Variants in PPP2R2B observed in about 807,000 individuals in gnomAD.
The protein encoded by PPP2R2B is serine/threonine-protein phosphatase 2A 55 kDa regulatory subunit B beta isoform.
Under a neutral mutation model 46.0 loss-of-function variants are expected in PPP2R2B, and 5 were observed. That is an observed-to-expected ratio of 0.11 (90% confidence interval 0.06 to 0.23). The LOEUF (loss-of-function observed/expected upper bound fraction) is 0.23. Ranked by LOEUF, PPP2R2B falls within the 10% of genes least tolerant of loss-of-function variation. PPP2R2B has a pLI of 1.00. For synonymous variants in PPP2R2B, 215 were observed against 206.7 expected, an observed-to-expected ratio of 1.04 and a Z score of -0.34; for missense variants, 367 against 575.0, an observed-to-expected ratio of 0.64 and a Z score of 3.70.
intron 2 of PPP2R2B, among the ~76,000 whole-genome samples, chr5:146,775,235 A>C (rs1245385562): frequency 6.6e-6 from 1 of 152,216 alleles, no homozygotes; most frequent in South Asian, 2.1e-4. Context: ...CGATGTAAAA[A>C]TTCTCAACAA....
intron 6 of PPP2R2B, among the ~76,000 whole-genome samples, chr5:146,645,466 T>C (rs995785045): frequency 1.3e-5 from 2 of 152,160 alleles, no homozygotes; most frequent in African/African-American, 4.8e-5. Flanking sequence ...TAAATATGTA[T>C]TGGGCAGGGT....
At chr5:146,851,389 C>T (rs1234780129) in intron 2 of PPP2R2B, among the ~76,000 whole-genome samples, 1 of 152,052 alleles carries the variant, frequency 6.6e-6, no homozygotes, top group African/African-American at 2.4e-5. Flanking sequence ...GAGAGGATAA[C>T]CAACACACAA....
chr5:147,041,708 A>C (rs541448824), intron 1 of PPP2R2B, among the ~76,000 whole-genome samples: 20 of 152,108 alleles, frequency 1.3e-4, no homozygotes, highest in South Asian at 2.1e-4. Context: ...GGGGGGCTGT[A>C]AGTCCCCAGA....
intron 1 of PPP2R2B, among the ~76,000 whole-genome samples, chr5:146,976,807 A>G (rs991604381): frequency 1.3e-5 from 2 of 152,100 alleles, no homozygotes; most frequent in African/African-American, 2.4e-5. Context: ...TGACTTTTGC[A>G]TATTCATTCT....
intron 4 of PPP2R2B, among the ~76,000 whole-genome samples, chr5:146,696,987 C>A (rs2151161483): frequency 6.6e-6 from 1 of 152,282 alleles, no homozygotes; most frequent in Non-Finnish European, 1.5e-5. Context: ...TGTTGTATTT[C>A]CTTCCAGTCT....
At chr5:146,714,517 A>G (rs1287694261) in intron 2 of PPP2R2B, among the ~76,000 whole-genome samples, 1 of 152,178 alleles carries the variant, frequency 6.6e-6, no homozygotes, top group African/African-American at 2.4e-5. Context: ...GAAAAAAATA[A>G]CGATGAAGAA....
chr5:146,987,758 A>C (rs1753497804), intron 1 of PPP2R2B, among the ~76,000 whole-genome samples: 1 of 152,054 alleles, frequency 6.6e-6, no homozygotes, highest in Non-Finnish European at 1.5e-5. Context: ...AAATGGCAGT[A>C]GTAAGTTCTT....
intron 7 of PPP2R2B, among the ~76,000 whole-genome samples, chr5:146,605,745 T>C (rs1234900854): frequency 1.3e-5 from 2 of 152,238 alleles, no homozygotes; most frequent in Admixed American, 6.5e-5. Context: ...CATACCTTTC[T>C]CCCCACTCCA....
chr5:146,748,282 A>C (rs1753317620), intron 2 of PPP2R2B, among the ~76,000 whole-genome samples: 1 of 152,020 alleles, frequency 6.6e-6, no homozygotes, highest in Non-Finnish European at 1.5e-5. Context: ...TTAAGCTTTT[A>C]ATTTTGAGAT....
chr5:147,018,178 T>C (rs1755102634), intron 1 of PPP2R2B, among the ~76,000 whole-genome samples: 2 of 151,934 alleles, frequency 1.3e-5, no homozygotes, highest in Admixed American at 1.3e-4. Context: ...GTCAAATATA[T>C]AAAGTACTAT....
chr5:146,801,655 T>C (rs1002028297), intron 2 of PPP2R2B, among the ~76,000 whole-genome samples: 5 of 152,156 alleles, frequency 3.3e-5, no homozygotes, highest in African/African-American at 1.2e-4. Flanking sequence ...CTTAGGCACT[T>C]ATGTTAAAAG....
chr5:146,984,865 T>C (rs1250335078), intron 1 of PPP2R2B, among the ~76,000 whole-genome samples: 2 of 152,164 alleles, frequency 1.3e-5, no homozygotes, highest in Non-Finnish European at 2.9e-5. Flanking sequence ...CTATTTGTAT[T>C]ACATGCCTTC....
rs756596893 is a variant in PPP2R2B, at chr5:147,001,723, C to G, written c.79+53942G>C. On this transcript the variant is annotated intron_variant, in intron 1 of 8. Transcript: ENST00000336640. ...ATTCTGTCCTATTTTTCCTTAGAATCTGGGGGCTAAATAACAGGCACTTGT... is the reference window on the plus strand; with the variant it reads ...ATTCTGTCCTATTTTTCCTTAGAATGTGGGGGCTAAATAACAGGCACTTGT... Among the ~76,000 whole-genome samples, 8 of 152,134 alleles carry G rather than the reference C, an allele frequency of 5.3e-5. No homozygotes were observed. In the South Asian group the frequency reaches 1.7e-3, roughly 32 times the overall value.
At chr5:147,055,657 G>T in intron 1 of PPP2R2B, 1 of 1,603,186 alleles carries the variant, frequency 6.2e-7, no homozygotes, top group Non-Finnish European at 8.5e-7. Flanking sequence ...TCCCTCTCTG[G>T]TCTGTACCTT....
intron 1 of PPP2R2B, among the ~76,000 whole-genome samples, chr5:147,003,075 C>A (rs551731755): frequency 1.3e-5 from 2 of 152,180 alleles, no homozygotes; most frequent in East Asian, 3.9e-4. Context: ...TGCAGGTTGA[C>A]CTTTTCTGTA....
chr5:146,954,811 A>G (rs1261294903), intron 1 of PPP2R2B, among the ~76,000 whole-genome samples: 1 of 149,076 alleles, frequency 6.7e-6, no homozygotes, highest in Non-Finnish European at 1.5e-5. Flanking sequence ...TATAGTGGCA[A>G]TGATACTACT....
At chr5:146,802,797 A>T (rs1756943865) in intron 2 of PPP2R2B, among the ~76,000 whole-genome samples, 1 of 152,184 alleles carries the variant, frequency 6.6e-6, no homozygotes. Flanking sequence ...TTTACAAAAA[A>T]GGAGATCAAG....
In PPP2R2B at chr5:146,784,688, T is replaced by C. The variant is rs189679986; in HGVS notation, c.71-83546A>G. On this transcript the variant is annotated intron_variant, in intron 2 of 9. Transcript: ENST00000394411. ...GTAAACATATCAATACAATTTCTTT[T>C]TGTGTGGCTCTCAGCTCTTCAGAAG... 8.5e-4 allele frequency among the ~76,000 whole-genome samples: 130 copies of C among 152,326 alleles called. 1 individual carries two copies. The highest frequency in any genetic ancestry group is 3.0e-3 in the African/African-American group (125 of 41,574).
chr5:146,779,770 G>A (rs1175729229), intron 2 of PPP2R2B, among the ~76,000 whole-genome samples: 2 of 152,114 alleles, frequency 1.3e-5, no homozygotes, highest in African/African-American at 2.4e-5. Flanking sequence ...GTTTTCAGAT[G>A]CTGAAAACAT....
Sources: allele counts gnomAD v4.1 joint callset (sites outside exome capture counted in the v4.1 genomes callset), GRCh38; gene constraint gnomAD v4.1.1; transcripts MANE v1.5; gene names NCBI Gene and HGNC (gene_info 2026-07-23, HGNC 2026-07-21).